The following PIP5K1B variants were observed in gnomAD, a reference collection of about 807,000 sequenced individuals.
The protein encoded by PIP5K1B is phosphatidylinositol 4-phosphate 5-kinase type-1 beta.
In PIP5K1B, 42 loss-of-function variants were observed where a neutral mutation model predicts 67.0. That is an observed-to-expected ratio of 0.63 (90% confidence interval 0.49 to 0.81). The LOEUF (loss-of-function observed/expected upper bound fraction) is 0.81, where lower values mean the gene tolerates loss of function less well. Ranked by LOEUF, PIP5K1B falls within the 30% of genes least tolerant of loss-of-function variation. The pLI is 0.00. For missense variants in PIP5K1B, 459 were observed against 646.3 expected (o/e 0.71, Z 3.14); for synonymous variants, 214 against 231.4 (o/e 0.92, Z 0.68).
intron 1 of PIP5K1B, among the ~76,000 whole-genome samples, chr9:68,717,305 C>G (rs1827680961): frequency 6.6e-6 from 1 of 152,134 alleles, no homozygotes; most frequent in African/African-American, 2.4e-5. Flanking sequence ...ACGGTAGCAT[C>G]CTATAAAAAC....
At chr9:68,840,100 G>A (rs951304203) in intron 4 of PIP5K1B, among the ~76,000 whole-genome samples, 12 of 152,196 alleles carry the variant, frequency 7.9e-5, no homozygotes, top group African/African-American at 1.9e-4. Flanking sequence ...TTCACGGCCC[G>A]GCACAGTGGC....
intron 14 of PIP5K1B, among the ~76,000 whole-genome samples, chr9:68,962,752 C>T (rs140055712): frequency 6.6e-6 from 1 of 152,110 alleles, no homozygotes; most frequent in East Asian, 1.9e-4. Flanking sequence ...AGAGCTGCAC[C>T]GATATTCATT....
chr9:68,991,315 A>G, intron 15 of PIP5K1B, 58 bp downstream of exon 15: 1 of 908,120 alleles, frequency 1.1e-6, no homozygotes, highest in Non-Finnish European at 1.9e-6. Context: ...GATCCAGGCC[A>G]TGGCTTACAC....
chr9:68,837,546 G>T (rs555458493), intron 4 of PIP5K1B, among the ~76,000 whole-genome samples: 1 of 147,800 alleles, frequency 6.8e-6, no homozygotes, highest in Middle Eastern at 3.4e-3. Context: ...TTAGGGCCTT[G>T]CATTTTTGTT....
chr9:68,983,758 C>T (rs1829989005), intron 14 of PIP5K1B, among the ~76,000 whole-genome samples: 1 of 152,200 alleles, frequency 6.6e-6, no homozygotes, highest in Non-Finnish European at 1.5e-5. Flanking sequence ...ATCGAGAGAA[C>T]TGTGGCAAAA....
intron 14 of PIP5K1B, among the ~76,000 whole-genome samples, chr9:68,957,975 C>T (rs1304834116): frequency 2.0e-5 from 3 of 151,886 alleles, no homozygotes; most frequent in African/African-American, 7.3e-5. Flanking sequence ...CTGGCTCAAG[C>T]GATTCTCCCA....
At chr9:68,763,171 G>A (rs900930312) in intron 2 of PIP5K1B, among the ~76,000 whole-genome samples, 9 of 152,226 alleles carry the variant, frequency 5.9e-5, no homozygotes, top group African/African-American at 9.6e-5. Context: ...GAAATGGTGA[G>A]ACAAGAAAAA....
chr9:68,781,293 CAT>C, intron 2 of PIP5K1B: 1 of 375,678 alleles, frequency 2.7e-6, no homozygotes, highest in Non-Finnish European at 5.0e-6. Flanking sequence ...TGTCTAAATA[CAT>C]ATGTTATCCC....
chr9:68,965,168 T>A (rs1471956119), intron 14 of PIP5K1B, among the ~76,000 whole-genome samples: 1 of 152,180 alleles, frequency 6.6e-6, no homozygotes, highest in Admixed American at 6.5e-5. Flanking sequence ...CATCTACAAA[T>A]AATATCGACT....
At chr9:68,713,589 C>T (rs934194621) in intron 1 of PIP5K1B, among the ~76,000 whole-genome samples, 1 of 152,168 alleles carries the variant, frequency 6.6e-6, no homozygotes, top group Non-Finnish European at 1.5e-5. Flanking sequence ...TATCTGCCTG[C>T]TCCTTCAGAA....
intron 8 of PIP5K1B, among the ~76,000 whole-genome samples, chr9:68,913,364 T>A (rs987056526): frequency 6.6e-6 from 1 of 152,234 alleles, no homozygotes; most frequent in Non-Finnish European, 1.5e-5. Context: ...ACCTGAGTGA[T>A]GAACTGGACT....
intron 14 of PIP5K1B, among the ~76,000 whole-genome samples, chr9:68,981,445 A>G (rs568729317): frequency 4.6e-4 from 54 of 117,810 alleles, no homozygotes; most frequent in African/African-American, 1.8e-3. Flanking sequence ...AAATCCCAAA[A>G]AGGGCTGCTG....
At chr9:68,797,473 G>A (rs1258727977) in intron 2 of PIP5K1B, among the ~76,000 whole-genome samples, 2 of 152,176 alleles carry the variant, frequency 1.3e-5, no homozygotes, top group Admixed American at 1.3e-4. Flanking sequence ...TTTTTTGTTG[G>A]TGATGGTGGT....
chr9:68,799,611 C>G lies in PIP5K1B; in HGVS notation c.-85-18850C>G, dbSNP rs1832485441. The stretch of plus-strand genomic sequence containing the variant: ...CATACATATACAATCAATTGATCTT[C>G]AACGGGAGTGCTAAGAATACACAAT... On this transcript the variant is annotated intron_variant, in intron 2 of 15. Coordinates refer to ENST00000265382, the MANE Select transcript of PIP5K1B (RefSeq NM_003558.4). Among the ~76,000 whole-genome samples, 3 of 152,156 alleles carry G rather than the reference C, an allele frequency of 2.0e-5. No homozygotes were observed. The South Asian group carries it at 6.2e-4, about 32-fold the overall frequency.
rs186662522 is a variant in PIP5K1B, at chr9:68,795,152, A to T, written c.-85-23309A>T. Among the ~76,000 whole-genome samples the T allele has an allele frequency of 7.7e-3, 1,157 of 149,360 alleles. 18 individuals carry two copies. The highest frequency in any genetic ancestry group is 0.026 in the African/African-American group (1,069 of 40,618). ...GTACTCCTTACTTTGTGTGTGTGTG[A>T]GAGAGAGAGAGAGAGCGTGTGTGTG... On this transcript the variant is annotated intron_variant, in intron 2 of 15. Transcript: ENST00000265382.
At chr9:68,894,755 C>A in intron 8 of PIP5K1B, 117 bp downstream of exon 8, 1 of 931,610 alleles carries the variant, frequency 1.1e-6, no homozygotes, top group East Asian at 2.5e-5. Context: ...ATGTGGAATC[C>A]TATCTTTCCC....
chr9:68,909,039 T>C (rs750347070), intron 8 of PIP5K1B, among the ~76,000 whole-genome samples: 17 of 152,330 alleles, frequency 1.1e-4, no homozygotes, highest in Middle Eastern at 3.4e-3. Flanking sequence ...TTAACCACTT[T>C]AGTTAAGATC....
At chr9:68,936,509 T>C (rs1053067790) in intron 13 of PIP5K1B, among the ~76,000 whole-genome samples, 1 of 152,216 alleles carries the variant, frequency 6.6e-6, no homozygotes, top group East Asian at 1.9e-4. Flanking sequence ...GTATATTCTT[T>C]GGAGAATCTC....
intron 2 of PIP5K1B, among the ~76,000 whole-genome samples, chr9:68,811,474 T>C (rs766112501): frequency 1.3e-5 from 2 of 152,042 alleles, no homozygotes; most frequent in Non-Finnish European, 1.5e-5. Flanking sequence ...CAGGATGTTC[T>C]CCCCCAACCT....
Sources: gnomAD v4.1 joint callset for allele counts (sites outside exome capture counted in the v4.1 genomes callset) on GRCh38, gnomAD v4.1.1 for gene constraint, MANE v1.5 for transcripts, NCBI Gene and HGNC (gene_info 2026-07-23, HGNC 2026-07-21) for gene names.